The following SYNE2 variants were observed in gnomAD, a reference collection of about 807,000 sequenced individuals.
SYNE2 encodes the protein nesprin-2.
SYNE2 carries 431 observed loss-of-function variants against 856.3 expected under a neutral mutation model. The ratio of observed to expected loss-of-function variants is 0.50; its 90% confidence interval spans 0.47 to 0.55. The LOEUF (loss-of-function observed/expected upper bound fraction) is 0.55, where lower values mean the gene tolerates loss of function less well. Ranked by LOEUF, SYNE2 falls within the 20% of genes least tolerant of loss-of-function variation. The pLI is 0.00. For synonymous variants in SYNE2, 2,923 were observed against 2,872.3 expected (o/e 1.02, Z -0.56); for missense variants, 8,129 against 8,023.2 (o/e 1.01, Z -0.50).
chr14:63,870,114 C>T (rs1896496834), intron 1 of SYNE2, among the ~76,000 whole-genome samples: 1 of 152,164 alleles, frequency 6.6e-6, no homozygotes, highest in Admixed American at 6.5e-5. Flanking sequence ...AGTCTGAACA[C>T]TTGTGTGTGA....
chr14:63,914,341 G>T (rs2095510561), intron 2 of SYNE2, among the ~76,000 whole-genome samples: 1 of 152,178 alleles, frequency 6.6e-6, no homozygotes, highest in African/African-American at 2.4e-5. Context: ...AATCCCTTCC[G>T]AAGTATTTCT....
intron 15 of SYNE2, 52 bp downstream of exon 15, chr14:63,980,784 G>A (rs2096579740): frequency 7.7e-7 from 1 of 1,290,420 alleles, no homozygotes; most frequent in African/African-American, 1.5e-5. Context: ...TAACAGTGAT[G>A]TTTTATCTGT....
At chr14:64,098,220 C>A in intron 62 of SYNE2, 74 bp downstream of exon 62, 1 of 1,505,254 alleles carries the variant, frequency 6.6e-7, no homozygotes, top group Non-Finnish European at 9.2e-7. Context: ...TCCACCTGAA[C>A]GACCTGTGGC....
intron 1 of SYNE2, among the ~76,000 whole-genome samples, chr14:63,885,574 G>C (rs143913328): frequency 1.6e-3 from 245 of 152,234 alleles, no homozygotes; most frequent in African/African-American, 5.6e-3. Context: ...CAAATGGCCA[G>C]AGCTGAAGTT....
chr14:63,818,024 C>CAAAAAAAAAAAAAAAAAA (rs34186501), intron 1 of SYNE2, among the ~76,000 whole-genome samples: 1 of 64,774 alleles, frequency 1.5e-5, no homozygotes, highest in Non-Finnish European at 2.7e-5. Context: ...GACCCTTTCT[C>CAAAAAAAAAAAAAAAAAA]AAAAAAAAAA....
chr14:64,094,787 G>T (rs923300299), intron 61 of SYNE2, among the ~76,000 whole-genome samples: 1 of 152,150 alleles, frequency 6.6e-6, no homozygotes, highest in East Asian at 1.9e-4. Flanking sequence ...TATATCCATT[G>T]ATAACTAAAT....
At chr14:63,992,359 C>T (rs1328319145) in intron 21 of SYNE2, among the ~76,000 whole-genome samples, 1 of 152,100 alleles carries the variant, frequency 6.6e-6, no homozygotes, top group Non-Finnish European at 1.5e-5. Flanking sequence ...TCACTGCAGC[C>T]TCCAACTCCT....
intron 54 of SYNE2, among the ~76,000 whole-genome samples, chr14:64,077,974 C>A (rs2153608639): frequency 6.6e-6 from 1 of 152,148 alleles, no homozygotes; most frequent in East Asian, 1.9e-4. Flanking sequence ...GTTGTTTCAC[C>A]CAAATGAATA....
At chr14:64,036,856 C>A (rs1018498296) in intron 45 of SYNE2, among the ~76,000 whole-genome samples, 1 of 152,132 alleles carries the variant, frequency 6.6e-6, no homozygotes, top group African/African-American at 2.4e-5. Context: ...CAGTGAGGAT[C>A]CCCACATAAA....
At chr14:63,966,571 C>G (rs1362441995) in intron 10 of SYNE2, among the ~76,000 whole-genome samples, 2 of 151,280 alleles carry the variant, frequency 1.3e-5, no homozygotes, top group African/African-American at 2.4e-5. Flanking sequence ...TTTTTTTTCC[C>G]CCCCCGAGAC....
intron 8 of SYNE2, chr14:63,956,383 G>T (rs564829996): frequency 3.3e-5 from 15 of 456,260 alleles, no homozygotes; most frequent in African/African-American, 2.4e-4. Flanking sequence ...AATATAATTT[G>T]TGCATTTATA....
chr14:64,024,631 T>C (rs2096963332), intron 39 of SYNE2, among the ~76,000 whole-genome samples, 172 bp downstream of exon 39: 1 of 152,230 alleles, frequency 6.6e-6, no homozygotes, highest in Admixed American at 6.5e-5. Flanking sequence ...GGGAAAAATC[T>C]TCACATTGTC....
In SYNE2 at chr14:63,997,163, G is replaced by T; in HGVS notation, c.3152+5G>T. ...GGGAGGCACGTCGAAAAACGAGTTAGTACTTCATAAGAATAGCTACCCTTC... is the reference window on the plus strand; with the variant it reads ...GGGAGGCACGTCGAAAAACGAGTTATTACTTCATAAGAATAGCTACCCTTC... On this transcript the variant is annotated splice_donor_5th_base_variant and intron_variant, in intron 24 of 115. Transcript: ENST00000555002. 2 of 1,612,972 alleles carry T rather than the reference G, an allele frequency of 1.2e-6. No homozygotes were observed. Among genetic ancestry groups the T allele is most frequent in the Non-Finnish European group, 1.7e-6 (2 of 1,179,186 alleles).
At chr14:64,074,283 T>C (rs1353607298) in intron 53 of SYNE2, 147 bp downstream of exon 53, 1 of 806,034 alleles carries the variant, frequency 1.2e-6, no homozygotes, top group East Asian at 2.6e-5. Context: ...CCCTGTGGCA[T>C]GGTATGGGCA....
At chr14:63,976,053 G>C (rs1380940104) in intron 11 of SYNE2, among the ~76,000 whole-genome samples, 1 of 152,188 alleles carries the variant, frequency 6.6e-6, no homozygotes, top group Non-Finnish European at 1.5e-5. Flanking sequence ...AGAAGGAGGA[G>C]ATGTACTTGG....
At chr14:64,053,932 G>A (rs1038253065) in intron 48 of SYNE2, among the ~76,000 whole-genome samples, 1 of 152,174 alleles carries the variant, frequency 6.6e-6, no homozygotes, top group Non-Finnish European at 1.5e-5. Flanking sequence ...TCCCGGCACT[G>A]CTCTCCAGCC....
intron 10 of SYNE2, among the ~76,000 whole-genome samples, chr14:63,965,455 C>A (rs527815519): frequency 6.6e-6 from 1 of 152,128 alleles, no homozygotes; most frequent in Admixed American, 6.5e-5. Flanking sequence ...GCTGTTTTTA[C>A]GTTGTGATGC....
intron 1 of SYNE2, among the ~76,000 whole-genome samples, chr14:63,782,366 G>A (rs1450581059): frequency 1.4e-5 from 2 of 148,032 alleles, no homozygotes; most frequent in Non-Finnish European, 1.5e-5. Context: ...TACTCAGGAG[G>A]TTGAGGCTGG....
At chr14:64,089,338 C>G (rs368245835) in intron 58 of SYNE2, among the ~76,000 whole-genome samples, 50 of 130,808 alleles carry the variant, frequency 3.8e-4, no homozygotes, top group African/African-American at 1.4e-3. Context: ...TGCACTCCAG[C>G]CTGGGCAACA....
Sources: allele counts gnomAD v4.1 joint callset (sites outside exome capture counted in the v4.1 genomes callset), GRCh38; gene constraint gnomAD v4.1.1; transcripts MANE v1.5; gene names NCBI Gene and HGNC (gene_info 2026-07-23, HGNC 2026-07-21).